BICC1: variants seen among roughly 807,000 people sequenced by gnomAD.
BICC1 encodes the protein protein bicaudal C homolog 1.
A neutral mutation model predicts 111.0 loss-of-function variants in BICC1; 43 were observed. The ratio of observed to expected loss-of-function variants is 0.39; its 90% CI spans 0.30 to 0.50. BICC1 has a LOEUF of 0.50. BICC1 is among the 20% of genes least tolerant of loss of function. The probability of loss-of-function intolerance (pLI) is 0.88; values close to 1 mark genes in which losing one functional copy is unlikely to be tolerated. For synonymous variants in BICC1, 467 were observed against 434.4 expected, an observed-to-expected ratio of 1.07 and a Z score of -0.93; for missense variants, 1,091 against 1,203.2, an observed-to-expected ratio of 0.91 and a Z score of 1.38.
chr10:58,786,778 C>G, intron 4 of BICC1, 145 bp from the exon 5 acceptor site: 1 of 446,938 alleles, frequency 2.2e-6, no homozygotes, highest in Non-Finnish European at 3.8e-6. Flanking sequence ...CAGGAGAACA[C>G]TTATAGATTA....
At chr10:58,518,900 A>G (rs1030216903) in intron 1 of BICC1, among the ~76,000 whole-genome samples, 1 of 152,194 alleles carries the variant, frequency 6.6e-6, no homozygotes, top group Non-Finnish European at 1.5e-5. Flanking sequence ...ACTTATCTCT[A>G]TGAAGACTTG....
intron 18 of BICC1, among the ~76,000 whole-genome samples, chr10:58,815,861 T>C (rs1383432195): frequency 3.3e-5 from 5 of 152,200 alleles, no homozygotes; most frequent in African/African-American, 4.8e-5. Context: ...TGGAGATAGC[T>C]TACATTCTTT....
intron 2 of BICC1, among the ~76,000 whole-genome samples, chr10:58,646,182 A>G (rs891928677): frequency 6.6e-6 from 1 of 151,892 alleles, no homozygotes; most frequent in Non-Finnish European, 1.5e-5. Flanking sequence ...TCCTAAGAAT[A>G]GTATTATGCC....
chr10:58,721,407 G>A (rs1435998196), intron 3 of BICC1, among the ~76,000 whole-genome samples: 2 of 152,154 alleles, frequency 1.3e-5, no homozygotes, highest in Admixed American at 1.3e-4. Flanking sequence ...TAATTATTAT[G>A]CCATGGAAAA....
At chr10:58,761,715 G>A (rs1337031668) in intron 3 of BICC1, among the ~76,000 whole-genome samples, 1 of 152,058 alleles carries the variant, frequency 6.6e-6, no homozygotes, top group Non-Finnish European at 1.5e-5. Context: ...ATGTAATTGG[G>A]CTCCTCTCCT....
chr10:58,765,574 G>A, intron 3 of BICC1, among the ~76,000 whole-genome samples: 1 of 152,194 alleles, frequency 6.6e-6, no homozygotes, highest in East Asian at 1.9e-4. Flanking sequence ...AAACTCCACT[G>A]TAAATCCTGA....
chr10:58,721,528 CT>C (rs1197960194), intron 3 of BICC1, among the ~76,000 whole-genome samples: 1 of 152,096 alleles, frequency 6.6e-6, no homozygotes, highest in Non-Finnish European at 1.5e-5. Flanking sequence ...TGGCAAAATG[CT>C]TTAGAATTCG....
intron 3 of BICC1, among the ~76,000 whole-genome samples, chr10:58,724,783 T>C (rs998312900): frequency 6.6e-6 from 1 of 152,214 alleles, no homozygotes; most frequent in African/African-American, 2.4e-5. Flanking sequence ...AGAGCCCCGG[T>C]TGCCCCGGTC....
At chr10:58,609,198 C>T (rs980334673) in intron 1 of BICC1, among the ~76,000 whole-genome samples, 2 of 152,114 alleles carry the variant, frequency 1.3e-5, no homozygotes, top group Non-Finnish European at 2.9e-5. Flanking sequence ...ATTAATGTTA[C>T]ATATTTTATT....
chr10:58,698,272 C>T (rs184696201), intron 2 of BICC1, among the ~76,000 whole-genome samples: 1 of 152,238 alleles, frequency 6.6e-6, no homozygotes, highest in Admixed American at 6.5e-5. Context: ...ACAAGAGACA[C>T]GTTACCTGTC....
intron 20 of BICC1, among the ~76,000 whole-genome samples, chr10:58,824,759 G>T (rs1844348313): frequency 6.6e-6 from 1 of 152,152 alleles, no homozygotes; most frequent in South Asian, 2.1e-4. Flanking sequence ...AAGCAAATCA[G>T]TTACATAATC....
chr10:58,818,450 A>C lies in BICC1; in HGVS notation c.2694+728A>C, dbSNP rs1322288652. On this transcript the variant is annotated intron_variant, in intron 19 of 20. Coordinates refer to ENST00000373886, the MANE Select transcript of BICC1 (RefSeq NM_001080512.3). The stretch of plus-strand genomic sequence containing the variant: ...ATTTGTGTCTTTTTCAAATCAAGAC[A>C]TGGTCCATGTTTGATGCTAGTTGGC... 2.0e-5 allele frequency among the ~76,000 whole-genome samples: 3 copies of C among 152,190 alleles called. No individual in the cohort carries two copies. The South Asian group carries it at 6.2e-4, about 32-fold the overall frequency.
intron 9 of BICC1, 61 bp from the exon 10 acceptor site, chr10:58,796,279 C>A: frequency 7.0e-7 from 1 of 1,418,920 alleles, no homozygotes; most frequent in Non-Finnish European, 9.8e-7. Flanking sequence ...TCCCTCCCCT[C>A]CCCCATTCAT....
intron 3 of BICC1, among the ~76,000 whole-genome samples, chr10:58,782,923 A>T (rs1842918740): frequency 6.6e-6 from 1 of 152,192 alleles, no homozygotes; most frequent in Admixed American, 6.5e-5. Context: ...TAACAGAGAA[A>T]GGGCAGTCCT....
chr10:58,696,431 G>T (rs1840067915), intron 2 of BICC1, among the ~76,000 whole-genome samples: 1 of 151,858 alleles, frequency 6.6e-6, no homozygotes, highest in Admixed American at 6.6e-5. Context: ...TTTTTACTAT[G>T]AATATTTGCT....
At chr10:58,567,945 A>T (rs944993375) in intron 1 of BICC1, among the ~76,000 whole-genome samples, 1 of 152,026 alleles carries the variant, frequency 6.6e-6, no homozygotes. Flanking sequence ...GAAGACTGGG[A>T]GGTTTATGTG....
At chr10:58,822,193 T>C in intron 20 of BICC1, among the ~76,000 whole-genome samples, 1 of 152,108 alleles carries the variant, frequency 6.6e-6, no homozygotes, top group Non-Finnish European at 1.5e-5. Context: ...GGCCAGCAAT[T>C]TTCTATCAGT....
chr10:58,808,325 A>T (rs534795661), intron 17 of BICC1, among the ~76,000 whole-genome samples: 28 of 152,310 alleles, frequency 1.8e-4, no homozygotes, highest in African/African-American at 6.7e-4. Flanking sequence ...GTTAACAGAG[A>T]CCATAAAACT....
intron 1 of BICC1, among the ~76,000 whole-genome samples, chr10:58,620,510 A>G (rs1174198356): frequency 6.6e-6 from 1 of 152,220 alleles, no homozygotes; most frequent in Non-Finnish European, 1.5e-5. Flanking sequence ...ACAGATAGGA[A>G]GTGCTTGGAA....
Sources: gnomAD v4.1 joint callset for allele counts (sites outside exome capture counted in the v4.1 genomes callset) on GRCh38, gnomAD v4.1.1 for gene constraint, MANE v1.5 for transcripts, NCBI Gene and HGNC (gene_info 2026-07-23, HGNC 2026-07-21) for gene names.